Variants in CTNNA2 observed in about 807,000 individuals in gnomAD.
The protein encoded by CTNNA2 is catenin alpha-2.
A neutral mutation model predicts 101.0 loss-of-function variants in CTNNA2; 42 were observed. That is an observed-to-expected ratio of 0.42 (90% CI 0.32 to 0.54). The LOEUF is 0.54. CTNNA2 is among the 20% of genes least tolerant of loss of function. The probability of loss-of-function intolerance (pLI) is 0.14; values close to 1 mark genes in which losing one functional copy is unlikely to be tolerated. For synonymous variants in CTNNA2, 450 were observed against 456.4 expected, an observed-to-expected ratio of 0.99 and a Z score of 0.18; for missense variants, 871 against 1,223.1, an observed-to-expected ratio of 0.71 and a Z score of 4.29.
At chr2:79,665,070 T>G (rs757206529) in intron 2 of CTNNA2, among the ~76,000 whole-genome samples, 1 of 152,116 alleles carries the variant, frequency 6.6e-6, no homozygotes, top group Non-Finnish European at 1.5e-5. Context: ...TTCTTGTCAC[T>G]CCTACCTTGA....
At chr2:80,406,602 G>A (rs943970104) in intron 8 of CTNNA2, among the ~76,000 whole-genome samples, 58 of 152,168 alleles carry the variant, frequency 3.8e-4, no homozygotes, top group Middle Eastern at 3.4e-3. Context: ...CGAGGCAGGC[G>A]GATCATGAGG....
chr2:79,787,181 A>T (rs1674907420), intron 3 of CTNNA2, among the ~76,000 whole-genome samples: 1 of 152,160 alleles, frequency 6.6e-6, no homozygotes, highest in Non-Finnish European at 1.5e-5. Context: ...CATTGCCATG[A>T]TTTTAAAAAT....
At chr2:80,241,755 G>A (rs1250365666) in intron 7 of CTNNA2, among the ~76,000 whole-genome samples, 1 of 152,138 alleles carries the variant, frequency 6.6e-6, no homozygotes, top group African/African-American at 2.4e-5. Context: ...GTTGGATCTA[G>A]AAGTCAGTCC....
intron 7 of CTNNA2, among the ~76,000 whole-genome samples, chr2:80,182,659 A>C (rs1705854639): frequency 6.6e-6 from 1 of 152,228 alleles, no homozygotes; most frequent in Non-Finnish European, 1.5e-5. Flanking sequence ...AATAAGGATT[A>C]GATTGAAAAT....
rs558108687 is a variant in CTNNA2, at chr2:79,408,734, A to G, written c.-135+34721A>G. Among the ~76,000 whole-genome samples the G allele has an allele frequency of 3.3e-5, 5 of 152,120 alleles. No individual in the cohort carries two copies. In the South Asian group the frequency reaches 1.0e-3, roughly 32 times the overall value. Reference sequence around the variant, plus strand: ...TTTGGATTGGTTCCAAGTCTTTGCTATTGTGAATAGTGCCGCAATAAACAT... The same window carrying G: ...TTTGGATTGGTTCCAAGTCTTTGCTGTTGTGAATAGTGCCGCAATAAACAT... On this transcript the variant is annotated intron_variant, in intron 4 of 21. Transcript: ENST00000466387.
intron 9 of CTNNA2, among the ~76,000 whole-genome samples, chr2:80,441,678 G>C (rs943944941): frequency 6.6e-6 from 1 of 152,106 alleles, no homozygotes; most frequent in African/African-American, 2.4e-5. Context: ...AGTGTAGAAA[G>C]GTCTGAAAAT....
At chr2:79,399,219 A>C (rs933312381) in intron 4 of CTNNA2, among the ~76,000 whole-genome samples, 2 of 151,828 alleles carry the variant, frequency 1.3e-5, no homozygotes, top group Non-Finnish European at 2.9e-5. Context: ...TAAGAGGCTG[A>C]TTTTTTTTTA....
intron 7 of CTNNA2, among the ~76,000 whole-genome samples, chr2:79,972,820 G>C (rs932385360): frequency 6.6e-6 from 1 of 152,126 alleles, no homozygotes; most frequent in Non-Finnish European, 1.5e-5. Flanking sequence ...GGCAGCCCTC[G>C]TTATTTATAG....
chr2:80,336,031 G>A (rs190893173), intron 7 of CTNNA2, among the ~76,000 whole-genome samples: 19 of 152,244 alleles, frequency 1.2e-4, no homozygotes, highest in Admixed American at 1.2e-3. Context: ...CAGAAAAATT[G>A]AAGAAATTGT....
At chr2:79,984,838 G>T (rs539963153) in intron 7 of CTNNA2, among the ~76,000 whole-genome samples, 2 of 152,242 alleles carry the variant, frequency 1.3e-5, no homozygotes, top group South Asian at 2.1e-4. Flanking sequence ...ACTGTGTCAG[G>T]TCATAATCCC....
rs994615418 is a variant in CTNNA2 at position 80,562,209 on chromosome 2, T to C, written c.1741+6316T>C. On this transcript the variant is annotated intron_variant, in intron 12 of 18. Transcript: ENST00000402739. Reference sequence around the variant, plus strand: ...TTGACCATGCAGAAACATGAAAATATTTCCTATACACTGGTGTGTTTGTGA... The same window carrying C: ...TTGACCATGCAGAAACATGAAAATACTTCCTATACACTGGTGTGTTTGTGA... Among the ~76,000 whole-genome samples, 7 of 149,528 alleles carry C rather than the reference T, an allele frequency of 4.7e-5. No individual in the cohort carries two copies. In the East Asian group the frequency reaches 5.8e-4, roughly 12 times the overall value.
intron 2 of CTNNA2, among the ~76,000 whole-genome samples, chr2:79,216,090 C>G (rs555177097): frequency 6.6e-6 from 1 of 151,932 alleles, no homozygotes; most frequent in Non-Finnish European, 1.5e-5. Flanking sequence ...GCCTATTTTA[C>G]GACAAGAATT....
At chr2:79,224,519 A>C (rs1674384270) in intron 2 of CTNNA2, among the ~76,000 whole-genome samples, 1 of 152,166 alleles carries the variant, frequency 6.6e-6, no homozygotes, top group African/African-American at 2.4e-5. Flanking sequence ...ATTTCAATGT[A>C]AGTTGCAGAC....
intron 7 of CTNNA2, among the ~76,000 whole-genome samples, chr2:80,391,103 G>A (rs1340788485): frequency 6.7e-6 from 1 of 148,854 alleles, no homozygotes; most frequent in Non-Finnish European, 1.5e-5. Context: ...CTGTGCTCCA[G>A]CCTGGGTGAC....
chr2:80,539,682 C>G (rs978503117), intron 9 of CTNNA2, among the ~76,000 whole-genome samples: 1 of 152,118 alleles, frequency 6.6e-6, no homozygotes, highest in African/African-American at 2.4e-5. Flanking sequence ...CTAGTCTTCT[C>G]AGCTTTTACT....
chr2:80,304,653 A>G (rs1453648227), intron 7 of CTNNA2: 1 of 153,010 alleles, frequency 6.5e-6, no homozygotes, highest in African/African-American at 2.4e-5. Flanking sequence ...GGAGGTGCGG[A>G]CGGCGGCGCG....
chr2:80,122,547 A>G (rs918093967), intron 7 of CTNNA2, among the ~76,000 whole-genome samples: 5 of 152,280 alleles, frequency 3.3e-5, no homozygotes, highest in Admixed American at 6.5e-5. Context: ...AGCTGTTTCC[A>G]GAGTTGATCT....
intron 3 of CTNNA2, among the ~76,000 whole-genome samples, chr2:79,845,260 G>T (rs1226877956): frequency 6.7e-6 from 1 of 149,490 alleles, no homozygotes; most frequent in Non-Finnish European, 1.5e-5. Flanking sequence ...TTGTTAGTGG[G>T]TCTTTCAGAA....
chr2:80,638,006 G>A (rs1249277262), intron 18 of CTNNA2, among the ~76,000 whole-genome samples: 1 of 152,114 alleles, frequency 6.6e-6, no homozygotes, highest in Non-Finnish European at 1.5e-5. Flanking sequence ...TAGTGACTTT[G>A]ATCCATTTTA....
Sources: allele counts gnomAD v4.1 joint callset (sites outside exome capture counted in the v4.1 genomes callset), GRCh38; gene constraint gnomAD v4.1.1; transcripts MANE v1.5; gene names NCBI Gene and HGNC (gene_info 2026-07-23, HGNC 2026-07-21).